The following PPP4R3A variants were observed in gnomAD, a reference collection of about 807,000 sequenced individuals.
The protein encoded by PPP4R3A is protein phosphatase 4 regulatory subunit 3A, also known as serine/threonine-protein phosphatase 4 regulatory subunit 3A.
PPP4R3A carries 15 observed loss-of-function variants against 91.7 expected under a neutral mutation model. That is an observed-to-expected ratio of 0.16 (90% confidence interval 0.11 to 0.25). PPP4R3A has a LOEUF of 0.25. PPP4R3A is among the 10% of genes least tolerant of loss of function. The pLI, the probability that PPP4R3A is intolerant of heterozygous loss-of-function variation, is 1.00. For missense variants in PPP4R3A, 623 were observed against 998.4 expected, an observed-to-expected ratio of 0.62 and a Z score of 5.07; for synonymous variants, 377 against 348.7, an observed-to-expected ratio of 1.08 and a Z score of -0.91.
intron 1 of PPP4R3A, among the ~76,000 whole-genome samples, chr14:91,503,163 CT>C (rs1891063799): frequency 1.3e-5 from 2 of 152,084 alleles, no homozygotes; most frequent in African/African-American, 2.4e-5. Flanking sequence ...ATTTTCTAAA[CT>C]TTTTGTGGAG....
chr14:91,479,340 A>G (rs1328778854), intron 4 of PPP4R3A, among the ~76,000 whole-genome samples: 1 of 146,664 alleles, frequency 6.8e-6, no homozygotes, highest in South Asian at 2.1e-4. Context: ...ATGGGTGCAA[A>G]TAACAATTCT....
chr14:91,504,400 G>A (rs572262408), intron 1 of PPP4R3A, among the ~76,000 whole-genome samples: 4 of 151,124 alleles, frequency 2.6e-5, no homozygotes, highest in African/African-American at 4.8e-5. Context: ...TCAGGAGTTC[G>A]AGATCGGCCT....
intron 11 of PPP4R3A, among the ~76,000 whole-genome samples, chr14:91,463,689 T>C (rs1439084555): frequency 1.3e-5 from 2 of 152,056 alleles, no homozygotes; most frequent in Admixed American, 6.5e-5. Flanking sequence ...TCCTCCCACT[T>C]TGGCCTGCCA....
At chr14:91,469,658 T>A (rs187268187) in intron 10 of PPP4R3A, among the ~76,000 whole-genome samples, 1 of 152,284 alleles carries the variant, frequency 6.6e-6, no homozygotes, top group African/African-American at 2.4e-5. Context: ...GATATCTGCC[T>A]CCCAGGTTCA....
intron 1 of PPP4R3A, among the ~76,000 whole-genome samples, chr14:91,504,938 C>T (rs1423649313): frequency 6.6e-6 from 1 of 152,170 alleles, no homozygotes; most frequent in African/African-American, 2.4e-5. Context: ...GCTTCCCCGT[C>T]CACAAATATA....
At chr14:91,493,108 G>T (rs1239698417) in intron 1 of PPP4R3A, among the ~76,000 whole-genome samples, 1 of 152,142 alleles carries the variant, frequency 6.6e-6, no homozygotes, top group African/African-American at 2.4e-5. Flanking sequence ...GAAAAAGTAG[G>T]CTGGGCGTGG....
intron 1 of PPP4R3A, among the ~76,000 whole-genome samples, chr14:91,508,485 T>C (rs1290117920): frequency 6.6e-6 from 1 of 152,142 alleles, no homozygotes; most frequent in Non-Finnish European, 1.5e-5. Context: ...AAATATAAAC[T>C]AATGTACAAA....
intron 7 of PPP4R3A, 199 bp downstream of exon 7, chr14:91,475,612 C>A: frequency 4.6e-6 from 2 of 438,972 alleles, no homozygotes; most frequent in Admixed American, 4.1e-5. Context: ...TTTTAAAAGG[C>A]AATTTAAATG....
intron 1 of PPP4R3A, among the ~76,000 whole-genome samples, chr14:91,498,515 G>A (rs938017060): frequency 6.6e-6 from 1 of 152,002 alleles, no homozygotes; most frequent in South Asian, 2.1e-4. Flanking sequence ...TAAACATCTG[G>A]GGAATCCTCA....
At chr14:91,467,979 T>C (rs533314780) in intron 10 of PPP4R3A, among the ~76,000 whole-genome samples, 1 of 152,300 alleles carries the variant, frequency 6.6e-6, no homozygotes, top group East Asian at 1.9e-4. Context: ...TTTCCTCAAA[T>C]TTATTTTAGT....
chr14:91,462,962 C>A, intron 11 of PPP4R3A, 85 bp from the exon 12 acceptor site: 1 of 1,044,432 alleles, frequency 9.6e-7, no homozygotes, highest in Non-Finnish European at 1.4e-6. Context: ...TCATACCCAC[C>A]AAAAATAGCT....
intron 11 of PPP4R3A, among the ~76,000 whole-genome samples, chr14:91,464,530 A>G (rs1277419964): frequency 6.6e-6 from 1 of 152,124 alleles, no homozygotes; most frequent in Non-Finnish European, 1.5e-5. Context: ...TTGTGAGGCT[A>G]AGGTGGGAGG....
intron 1 of PPP4R3A, among the ~76,000 whole-genome samples, chr14:91,491,876 A>G (rs944007680): frequency 1.3e-5 from 2 of 151,292 alleles, no homozygotes; most frequent in Non-Finnish European, 2.9e-5. Flanking sequence ...ATGCTTGGTT[A>G]ATTTTTTTAC....
intron 1 of PPP4R3A, among the ~76,000 whole-genome samples, chr14:91,507,727 AT>A (rs1474127582): frequency 1.0e-5 from 1 of 95,794 alleles, no homozygotes; most frequent in Non-Finnish European, 2.2e-5. Context: ...ATACTTAAAA[AT>A]ATCTTAAAGG....
intron 3 of PPP4R3A, among the ~76,000 whole-genome samples, chr14:91,484,445 C>T (rs1889761192): frequency 6.6e-6 from 1 of 152,158 alleles, no homozygotes; most frequent in Admixed American, 6.5e-5. Flanking sequence ...AAGACAGCCC[C>T]TCCATTCATT....
chr14:91,471,054 T>C, intron 9 of PPP4R3A, 59 bp from the exon 10 acceptor site: 1 of 1,477,162 alleles, frequency 6.8e-7, no homozygotes, highest in Non-Finnish European at 9.0e-7. Flanking sequence ...CCTTCTAAAA[T>C]GTAAGAACTC....
At chr14:91,482,475 G>T (rs1795247893) in intron 3 of PPP4R3A, among the ~76,000 whole-genome samples, 1 of 152,082 alleles carries the variant, frequency 6.6e-6, no homozygotes. Flanking sequence ...AGACTGTTAC[G>T]AAACAGCCCT....
Position 91,509,462 on chromosome 14 carries a change from G to A in PPP4R3A, c.142+44C>T, listed in dbSNP as rs778944429. 3.2e-6 allele frequency: 5 copies of A among 1,548,102 alleles called. No individual in the cohort carries two copies. The African/African-American group carries it at 4.1e-5, about 13-fold the overall frequency. ...GCAAGAACCAGGGAGGCGGCCCAGGGCCGTGGGGGCTGCGAGGGTCCCGCC... is the reference window on the plus strand; with the variant it reads ...GCAAGAACCAGGGAGGCGGCCCAGGACCGTGGGGGCTGCGAGGGTCCCGCC... On this transcript the variant is annotated intron_variant, in intron 1 of 14. Transcript: ENST00000554943.
chr14:91,476,049 C>A, intron 6 of PPP4R3A, 83 bp from the exon 7 acceptor site: 1 of 1,364,000 alleles, frequency 7.3e-7, no homozygotes, highest in Non-Finnish European at 9.7e-7. Context: ...CCTAACAAAA[C>A]ATATGAAAAA....
Sources: gnomAD v4.1 joint callset for allele counts (sites outside exome capture counted in the v4.1 genomes callset) on GRCh38, gnomAD v4.1.1 for gene constraint, MANE v1.5 for transcripts, NCBI Gene and HGNC (gene_info 2026-07-23, HGNC 2026-07-21) for gene names.